The following PAPPA2 variants were observed in gnomAD, a reference collection of about 807,000 sequenced individuals.
PAPPA2 encodes pappalysin 2, also known as pappalysin-2.
PAPPA2 carries 86 observed loss-of-function variants against 176.4 expected under a neutral mutation model. The observed-to-expected ratio is 0.49, with a 90% confidence interval of 0.41 to 0.58. PAPPA2 has a LOEUF of 0.58. Ranked by LOEUF, PAPPA2 falls within the 20% of genes least tolerant of loss-of-function variation. The pLI is 0.00. For missense variants in PAPPA2, 2,073 were observed against 2,256.9 expected, an observed-to-expected ratio of 0.92 and a Z score of 1.65; for synonymous variants, 809 against 852.2, an observed-to-expected ratio of 0.95 and a Z score of 0.88.
intron 2 of PAPPA2, among the ~76,000 whole-genome samples, chr1:176,561,080 T>C (rs1350000853): frequency 1.3e-5 from 2 of 152,228 alleles, no homozygotes; most frequent in East Asian, 3.8e-4. Flanking sequence ...TGTGTAGAAC[T>C]TGGGAGGCAG....
Position 176,791,540 on chromosome 1 carries a change from G to A in PAPPA2, c.5020+58G>A, listed in dbSNP as rs1665179270. 6.5e-6 allele frequency: 10 copies of A among 1,545,796 alleles called. No individual in the cohort carries two copies. The South Asian group carries it at 1.1e-4, about 17-fold the overall frequency. Reference sequence around the variant, plus strand: ...CTATGTCATTCTTTTATTAAGCACAGCTGAATTTTTTTTAATTTTATTTAT... The same window carrying A: ...CTATGTCATTCTTTTATTAAGCACAACTGAATTTTTTTTAATTTTATTTAT... On this transcript the variant is annotated intron_variant, in intron 19 of 22. Coordinates refer to ENST00000367662, the MANE Select transcript of PAPPA2 (RefSeq NM_020318.3).
intron 3 of PAPPA2, among the ~76,000 whole-genome samples, chr1:176,599,943 T>C (rs1654215508): frequency 6.6e-6 from 1 of 152,184 alleles, no homozygotes; most frequent in African/African-American, 2.4e-5. Context: ...AGCTCTCTTA[T>C]ACTTATTTTG....
chr1:176,795,672 C>G (rs1665397079), intron 20 of PAPPA2, among the ~76,000 whole-genome samples: 1 of 152,186 alleles, frequency 6.6e-6, no homozygotes, highest in African/African-American at 2.4e-5. Context: ...TTCATCATGA[C>G]ATCTCATTTC....
At chr1:176,628,551 G>T (rs1373607951) in intron 3 of PAPPA2, among the ~76,000 whole-genome samples, 3 of 152,124 alleles carry the variant, frequency 2.0e-5, no homozygotes, top group Non-Finnish European at 4.4e-5. Context: ...AGCCTTTTGT[G>T]AGTGTTTGTA....
chr1:176,691,072 C>G (rs1660101797), intron 5 of PAPPA2: 1 of 985,270 alleles, frequency 1.0e-6, no homozygotes, highest in African/African-American at 1.7e-5. Context: ...GTCTTTCTTG[C>G]CTTAATTCAG....
chr1:176,757,642 A>G (rs1383247267), intron 14 of PAPPA2, among the ~76,000 whole-genome samples: 1 of 152,090 alleles, frequency 6.6e-6, no homozygotes, highest in Non-Finnish European at 1.5e-5. Flanking sequence ...ACTTGCTTCC[A>G]TTCTGTAGGT....
chr1:176,471,417 C>A (rs1442484434), intron 1 of PAPPA2, among the ~76,000 whole-genome samples: 1 of 152,070 alleles, frequency 6.6e-6, no homozygotes, highest in African/African-American at 2.4e-5. Flanking sequence ...AAGTTTAAAG[C>A]CTTTTTAAAA....
In PAPPA2 at chr1:176,556,939, C is replaced by T. The variant is rs768815483; in HGVS notation, c.617C>T (p.Ala206Val). ...RQRRQVWKRR[A>V]EDGQGDSGIS... Reference sequence around the variant, plus strand: ...CGTCGCCAAGTGTGGAAGAGGCGGGCGGAAGATGGGCAGGGAGACTCCGGT... The same window carrying T: ...CGTCGCCAAGTGTGGAAGAGGCGGGTGGAAGATGGGCAGGGAGACTCCGGT... The change falls in exon 2 of 23, where the codon GCG (alanine) becomes GTG (valine). Residue 206 changes from alanine to valine, a missense_variant. By Grantham distance (64) the Ala-to-Val change is moderately conservative (BLOSUM62 0). Around this residue, in one of 4 missense-constraint regions of PAPPA2, gnomAD observed 1,196 missense variants for 1,330.4 expected, o/e 0.90. Coordinates refer to ENST00000367662, the MANE Select transcript of PAPPA2 (RefSeq NM_020318.3). 2.5e-6 allele frequency: 4 copies of T among 1,613,872 alleles called. No homozygotes were observed. The highest frequency in any genetic ancestry group is 3.3e-5 in the Admixed American group (2 of 60,010).
intron 1 of PAPPA2, among the ~76,000 whole-genome samples, chr1:176,521,102 GAGAGAC>G (rs756438724): frequency 2.2e-5 from 3 of 138,058 alleles, no homozygotes; most frequent in Non-Finnish European, 3.1e-5. Context: ...GTGTCAGAAA[GAGAGAC>G]AGAGACAGAG....
chr1:176,809,832 C>T (rs527809747), intron 21 of PAPPA2, among the ~76,000 whole-genome samples: 4 of 152,110 alleles, frequency 2.6e-5, no homozygotes, highest in Admixed American at 6.6e-5. Context: ...GTTAGCTTGC[C>T]GGAGACATTG....
chr1:176,817,906 G>T (rs1391263813), intron 21 of PAPPA2, among the ~76,000 whole-genome samples: 1 of 152,082 alleles, frequency 6.6e-6, no homozygotes, highest in Non-Finnish European at 1.5e-5. Context: ...CTAATTGAAG[G>T]CAGGTAAATG....
intron 2 of PAPPA2, among the ~76,000 whole-genome samples, chr1:176,585,954 C>T (rs926624315): frequency 1.3e-5 from 2 of 151,962 alleles, no homozygotes; most frequent in African/African-American, 4.8e-5. Context: ...TCTCTTATAT[C>T]TCACTGATTT....
intron 2 of PAPPA2, among the ~76,000 whole-genome samples, chr1:176,590,166 T>C (rs1027321173): frequency 6.6e-6 from 1 of 152,192 alleles, no homozygotes; most frequent in South Asian, 2.1e-4. Context: ...CAAAATGATA[T>C]TATCAGCAAA....
chr1:176,626,048 A>C (rs1196097019), intron 3 of PAPPA2, among the ~76,000 whole-genome samples: 1 of 152,168 alleles, frequency 6.6e-6, no homozygotes, highest in Non-Finnish European at 1.5e-5. Context: ...AAATTAAAAA[A>C]AAATTACAAA....
chr1:176,769,582 A>G (rs1261744526), intron 15 of PAPPA2, 25 bp from the exon 16 acceptor site: 1 of 1,609,468 alleles, frequency 6.2e-7, no homozygotes, highest in Admixed American at 1.7e-5. Context: ...TGTGACTTTG[A>G]CAGAAGCAAT....
chr1:176,830,118 C>T (rs988263739), intron 21 of PAPPA2, among the ~76,000 whole-genome samples: 1 of 152,058 alleles, frequency 6.6e-6, no homozygotes, highest in African/African-American at 2.4e-5. Context: ...CCTGTAGTCC[C>T]AGCTACTTGG....
At chr1:176,526,220 A>G (rs1649493615) in intron 1 of PAPPA2, among the ~76,000 whole-genome samples, 1 of 152,210 alleles carries the variant, frequency 6.6e-6, no homozygotes, top group South Asian at 2.1e-4. Context: ...GATTGCTGCT[A>G]TGTAAATGCT....
At chr1:176,524,880 A>G (rs1350121199) in intron 1 of PAPPA2, among the ~76,000 whole-genome samples, 2 of 152,146 alleles carry the variant, frequency 1.3e-5, no homozygotes, top group African/African-American at 4.8e-5. Context: ...AAAAAAAACA[A>G]AATAAAATAA....
intron 21 of PAPPA2, among the ~76,000 whole-genome samples, chr1:176,825,333 A>G (rs1337738453): frequency 6.6e-6 from 1 of 152,240 alleles, no homozygotes; most frequent in Non-Finnish European, 1.5e-5. Context: ...GGTGTTATGC[A>G]TGGTCTCATT....
Sources: gnomAD v4.1 joint callset for allele counts (sites outside exome capture counted in the v4.1 genomes callset) on GRCh38, gnomAD v4.1.1 for gene constraint, gnomAD v4.1.1 regional missense constraint, MANE v1.5 for transcripts, NCBI Gene and HGNC (gene_info 2026-07-23, HGNC 2026-07-21) for gene names.